Variants in THADA observed in about 807,000 individuals in gnomAD.
THADA encodes the protein THADA armadillo repeat containing.
Under a neutral mutation model 219.8 loss-of-function variants are expected in THADA, and 213 were observed. The observed-to-expected ratio is 0.97, with a 90% CI of 0.87 to 1.09. The LOEUF is 1.09. THADA is among the 50% of genes least tolerant of loss of function. THADA has a pLI of 0.00. For synonymous variants in THADA, 1,018 were observed against 828.9 expected (o/e 1.23, Z -3.92); for missense variants, 2,956 against 2,311.3 (o/e 1.28, Z -5.72).
chr2:43,575,100 G>T, intron 10 of THADA, 73 bp from the exon 11 acceptor site: 2 of 1,152,746 alleles, frequency 1.7e-6, no homozygotes, highest in South Asian at 2.0e-5. Flanking sequence ...TAACAATTTA[G>T]ACTTTAAAAA....
chr2:43,415,969 G>T (rs1451286494), intron 28 of THADA, among the ~76,000 whole-genome samples: 1 of 152,124 alleles, frequency 6.6e-6, no homozygotes, highest in Non-Finnish European at 1.5e-5. Flanking sequence ...AGAAAAAAGG[G>T]TGGGGGGATA....
chr2:43,382,101 G>C (rs1238069884), intron 29 of THADA, among the ~76,000 whole-genome samples: 1 of 152,128 alleles, frequency 6.6e-6, no homozygotes, highest in Admixed American at 6.5e-5. Flanking sequence ...ATGAAAAAAA[G>C]CAGGAGAAAC....
intron 34 of THADA, among the ~76,000 whole-genome samples, chr2:43,290,199 T>C (rs13033325): frequency 0.24 from 36,580 of 151,604 alleles, 5,694 homozygotes; most frequent in Middle Eastern, 0.35. Context: ...CTCAAATTCC[T>C]GACCTTAGGT....
chr2:43,457,055 C>A (rs1485829579), intron 26 of THADA, among the ~76,000 whole-genome samples: 1 of 151,720 alleles, frequency 6.6e-6, no homozygotes, highest in Non-Finnish European at 1.5e-5. Flanking sequence ...TGTGCACACA[C>A]GTGCCAAAGG....
At chr2:43,367,371 C>G (rs948365081) in intron 29 of THADA, among the ~76,000 whole-genome samples, 1 of 152,148 alleles carries the variant, frequency 6.6e-6, no homozygotes. Context: ...AAATTCCCTA[C>G]ACTCAAGTCA....
intron 21 of THADA, among the ~76,000 whole-genome samples, chr2:43,528,265 G>A (rs1693430725): frequency 6.6e-6 from 1 of 151,492 alleles, no homozygotes; most frequent in Non-Finnish European, 1.5e-5. Context: ...CAAGTAGCTG[G>A]GATTACAGGC....
At chr2:43,469,056 G>A (rs1013116853) in intron 26 of THADA, among the ~76,000 whole-genome samples, 3 of 152,144 alleles carry the variant, frequency 2.0e-5, no homozygotes, top group African/African-American at 7.2e-5. Flanking sequence ...ATGAGCCCCG[G>A]ACCCTGTCCT....
intron 36 of THADA, among the ~76,000 whole-genome samples, chr2:43,271,926 T>C (rs1354944918): frequency 2.0e-5 from 3 of 152,180 alleles, no homozygotes; most frequent in Admixed American, 6.5e-5. Flanking sequence ...CTCTTGGAAC[T>C]TTTATTCCGG....
intron 29 of THADA, among the ~76,000 whole-genome samples, chr2:43,387,433 T>TA (rs1461780433): frequency 6.6e-6 from 1 of 152,148 alleles, no homozygotes; most frequent in East Asian, 1.9e-4. Context: ...AGTGCCTCCT[T>TA]AGTGACTCCA....
chr2:43,461,609 CTGGA>C (rs1683651878), intron 26 of THADA, among the ~76,000 whole-genome samples: 1 of 152,150 alleles, frequency 6.6e-6, no homozygotes, highest in Admixed American at 6.5e-5. Context: ...GGTTTGAGCC[CTGGA>C]TGAATGCAAA....
At chr2:43,292,506 G>A (rs1674851180) in intron 32 of THADA, among the ~76,000 whole-genome samples, 1 of 152,118 alleles carries the variant, frequency 6.6e-6, no homozygotes, top group African/African-American at 2.4e-5. Context: ...CCCTGAAATA[G>A]CCATGTCAGC....
chr2:43,340,044 G>C (rs1424629868), intron 30 of THADA, among the ~76,000 whole-genome samples: 1 of 152,194 alleles, frequency 6.6e-6, no homozygotes, highest in Admixed American at 6.5e-5. Context: ...TCCTTTCCAG[G>C]ACAGCAGCAG....
At chr2:43,586,291 A>T in intron 7 of THADA, 110 bp downstream of exon 7, 1 of 907,636 alleles carries the variant, frequency 1.1e-6, no homozygotes, top group Non-Finnish European at 1.6e-6. Context: ...TGATAATATT[A>T]ATGAAAAGGG....
chr2:43,241,586 G>A (rs1456385676), intron 36 of THADA, among the ~76,000 whole-genome samples: 2 of 149,312 alleles, frequency 1.3e-5, no homozygotes, highest in Non-Finnish European at 3.0e-5. Context: ...CAGCTCACAT[G>A]GATTTAAAAA....
intron 26 of THADA, among the ~76,000 whole-genome samples, chr2:43,478,176 T>G (rs910543407): frequency 1.3e-5 from 2 of 152,084 alleles, no homozygotes; most frequent in Non-Finnish European, 2.9e-5. Context: ...CCATAAGGAG[T>G]ATTCAATGAA....
intron 16 of THADA, among the ~76,000 whole-genome samples, chr2:43,559,653 T>G (rs1350755046): frequency 6.6e-6 from 1 of 152,150 alleles, no homozygotes; most frequent in Non-Finnish European, 1.5e-5. Context: ...AACCCCACCT[T>G]TAATTCCTAC....
rs1667619936 is a variant in THADA, at chr2:43,232,997, T to C, written c.5297-115A>G. On this transcript the variant is annotated intron_variant, in intron 36 of 37. Coordinates refer to ENST00000405975, the MANE Select transcript of THADA (RefSeq NM_022065.5). ...TCAGGTAAAATCGCTGCCACCAGCC[T>C]GGCAGGGAAGCTGGTAGGGTGGGCT... 5 of 1,153,392 alleles carry C rather than the reference T, an allele frequency of 4.3e-6. No individual in the cohort carries two copies. In the East Asian group the frequency reaches 1.3e-4, roughly 30 times the overall value. The allele number at this position is 1,153,392 out of a possible 1,614,324, so 71.4% of individuals were successfully genotyped here.
intron 8 of THADA, among the ~76,000 whole-genome samples, chr2:43,580,192 TG>T (rs1288949553): frequency 9.8e-5 from 12 of 122,624 alleles, no homozygotes; most frequent in Admixed American, 7.5e-5. Flanking sequence ...GCCCAGCTAA[TG>T]TTTTTTTTTG....
At chr2:43,335,963 G>A (rs1476389757) in intron 30 of THADA, among the ~76,000 whole-genome samples, 1 of 152,008 alleles carries the variant, frequency 6.6e-6, no homozygotes, top group African/African-American at 2.4e-5. Context: ...CGGGTGTGGT[G>A]GCGGGCGCCT....
Sources: allele counts gnomAD v4.1 joint callset (sites outside exome capture counted in the v4.1 genomes callset), GRCh38; gene constraint gnomAD v4.1.1; transcripts MANE v1.5; gene names NCBI Gene and HGNC (gene_info 2026-07-23, HGNC 2026-07-21).